Variants in STAT1 observed in about 807,000 individuals in gnomAD.
STAT1 encodes the protein signal transducer and activator of transcription 1-alpha/beta.
In STAT1, 24 loss-of-function variants were observed where a neutral mutation model predicts 111.7. The ratio of observed to expected loss-of-function variants is 0.21; its 90% CI spans 0.16 to 0.30. The LOEUF is 0.30. Among genes scored for constraint, STAT1 ranks in the 10% least tolerant of loss-of-function variants. The pLI is 1.00. For missense variants in STAT1, 351 were observed against 911.9 expected (o/e 0.38, Z 7.92); for synonymous variants, 332 against 326.5 (o/e 1.02, Z -0.18).
chr2:190,989,675 C>A lies in STAT1; in HGVS notation c.1038-1G>T. On this transcript the variant is annotated splice_acceptor_variant, in intron 11 of 24. Transcript: ENST00000361099. LOFTEE classifies it high-confidence loss of function. The surrounding 1 kb of genome is among the most constrained non-coding windows in gnomAD (Gnocchi z 5.0). Reference sequence around the variant, plus strand: ...CAGCTCTTGCAATTTCACCAACAGTCTGGAAAGAAAAATAAAAGCCATTAC... The same window carrying A: ...CAGCTCTTGCAATTTCACCAACAGTATGGAAAGAAAAATAAAAGCCATTAC... 1 of 1,595,548 alleles carries A rather than the reference C, an allele frequency of 6.3e-7. No individual in the cohort carries two copies. The highest frequency in any genetic ancestry group is 2.2e-5 in the East Asian group (1 of 44,612).
At chr2:190,991,595 A>G (rs1693340462) in intron 10 of STAT1, among the ~76,000 whole-genome samples, 1 of 152,202 alleles carries the variant, frequency 6.6e-6, no homozygotes, top group Admixed American at 6.5e-5. Flanking sequence ...ACAGTGGCCC[A>G]TGTCTGTAAT....
rs1404697280 is a variant in STAT1, at chr2:190,981,277, T to C, written c.1583-608A>G. Among the ~76,000 whole-genome samples, 1 of 152,198 alleles carries C rather than the reference T, an allele frequency of 6.6e-6. No homozygotes were observed. Among genetic ancestry groups the C allele is most frequent in the Non-Finnish European group, 1.5e-5 (1 of 68,030 alleles). On this transcript the variant is annotated intron_variant, in intron 18 of 24. Coordinates refer to ENST00000361099, the MANE Select transcript of STAT1 (RefSeq NM_007315.4). This position sits in a 1 kb window ranked among gnomAD's most constrained non-coding sequence, Gnocchi z 4.1. ...CCCAAGATCACCCCTAGATCTTCAA[T>C]GTAACTGATACTTGACTTTACAAGT...
intron 4 of STAT1, among the ~76,000 whole-genome samples, chr2:191,008,541 A>T (rs998081284): frequency 6.6e-6 from 1 of 152,142 alleles, no homozygotes; most frequent in Admixed American, 6.6e-5. Context: ...GTGAAAGTCA[A>T]ACCTTTCCTG....
chr2:191,007,772 C>T lies in STAT1; in HGVS notation c.274-111G>A, dbSNP rs1278304132. 7 of 789,262 alleles carry T rather than the reference C, an allele frequency of 8.9e-6. No homozygotes were observed. The highest frequency in any genetic ancestry group is 7.7e-5 in the East Asian group (3 of 38,994). The allele number at this position is 789,262 out of a possible 1,614,324, so 48.9% of individuals were successfully genotyped here. ...ATATTCTCCGGGAAACCTCATCTCTCATCTATTAAATTCTATATAAGCTAT... is the reference window on the plus strand; with the variant it reads ...ATATTCTCCGGGAAACCTCATCTCTTATCTATTAAATTCTATATAAGCTAT... On this transcript the variant is annotated intron_variant, in intron 4 of 24. Coordinates refer to ENST00000361099, the MANE Select transcript of STAT1 (RefSeq NM_007315.4). The surrounding 1 kb of genome is among the most constrained non-coding windows in gnomAD (Gnocchi z 4.2).
At position 190,998,694 on chromosome 2, in the gene STAT1, A is replaced by T. The variant is rs1322608526; in HGVS notation, c.542-386T>A. Among the ~76,000 whole-genome samples the T allele has an allele frequency of 6.6e-6, 1 of 151,036 alleles. No individual in the cohort carries two copies. The highest frequency in any genetic ancestry group is 2.4e-5 in the African/African-American group (1 of 41,288). On this transcript the variant is annotated intron_variant, in intron 7 of 24. Transcript: ENST00000361099. The surrounding 1 kb of genome is among the most constrained non-coding windows in gnomAD (Gnocchi z 4.1). ...AAACAAAAAAAACAAAAAAAAAACA[A>T]AAAAAACTTGTTTTCAGTGACCCAT...
In STAT1 at chr2:190,999,000, C is replaced by G. The variant is rs1694061514; in HGVS notation, c.541+626G>C. Among the ~76,000 whole-genome samples the G allele has an allele frequency of 6.6e-6, 1 of 152,058 alleles. No individual in the cohort carries two copies. The highest frequency in any genetic ancestry group is 2.4e-5 in the African/African-American group (1 of 41,390). On this transcript the variant is annotated intron_variant, in intron 7 of 24. Transcript: ENST00000361099. This position sits in a 1 kb window ranked among gnomAD's most constrained non-coding sequence, Gnocchi z 4.1. ...TCTGCCTATGAACCATGGTATACCC[C>G]AGATGATGAATAGAGTAACAGCAGT...
In STAT1 at chr2:190,997,991, AT is replaced by A; in HGVS notation, c.649del (p.Ile217Ter). On this transcript the variant is annotated frameshift_variant, in exon 9 of 25. Coordinates refer to ENST00000361099, the MANE Select transcript of STAT1 (RefSeq NM_007315.4). LOFTEE classifies it high-confidence loss of function. The surrounding 1 kb of genome is among the most constrained non-coding windows in gnomAD (Gnocchi z 7.3). ...TTCAGTGACATTCAGCAACTCTATT[AT>A]TTTGTGAACTACTTCCTAAAGGCAA... ...DNKRKEVVHK[I>X]IELLNVTELT... The A allele has an allele frequency of 6.2e-7, 1 of 1,614,238 alleles. No homozygotes were observed. The highest frequency in any genetic ancestry group is 8.5e-7 in the Non-Finnish European group (1 of 1,180,044).
intron 10 of STAT1, 136 bp downstream of exon 10, chr2:190,994,925 A>ATATATATATATAT (rs1553496728): frequency 1.0e-5 from 1 of 99,544 alleles, no homozygotes; most frequent in African/African-American, 6.3e-5. Flanking sequence ...AAAAAAAAAA[A>ATATATATATATAT]AAATATATAT....
chr2:190,982,922 T>C lies in STAT1; in HGVS notation c.1447-404A>G, dbSNP rs1692498646. ...TGAAGCCTATTTAGCGCCATGTTTT[T>C]TGCATTTTGTGACTGCTGTTGGTGA... On this transcript the variant is annotated intron_variant, in intron 17 of 24. Transcript: ENST00000361099. This position sits in a 1 kb window ranked among gnomAD's most constrained non-coding sequence, Gnocchi z 7.3. 6.6e-6 allele frequency among the ~76,000 whole-genome samples: 1 copy of C among 152,168 alleles called. No individual in the cohort carries two copies. The highest frequency in any genetic ancestry group is 1.5e-5 in the Non-Finnish European group (1 of 68,030).
At position 190,989,016 on chromosome 2, in the gene STAT1, A is replaced by G. The variant is rs1693099704; in HGVS notation, c.1097+599T>C. On this transcript the variant is annotated intron_variant, in intron 12 of 24. Coordinates refer to ENST00000361099, the MANE Select transcript of STAT1 (RefSeq NM_007315.4). This position sits in a 1 kb window ranked among gnomAD's most constrained non-coding sequence, Gnocchi z 5.0. ...ATGAGGCTGCTCCACCTGGACCCCC[A>G]AGAGAGATGCCCATTCCTGGGTTCC... Among the ~76,000 whole-genome samples, 1 of 152,034 alleles carries G rather than the reference A, an allele frequency of 6.6e-6. No homozygotes were observed. Among genetic ancestry groups the G allele is most frequent in the Non-Finnish European group, 1.5e-5 (1 of 67,994 alleles).
At chr2:191,010,349 C>T (rs1381683585) in intron 2 of STAT1, 3 of 473,872 alleles carry the variant, frequency 6.3e-6, no homozygotes, top group Admixed American at 2.3e-5. Flanking sequence ...ATAGTACTTA[C>T]ACCACCATCT....
rs1170252435 is a variant in STAT1, at chr2:191,012,763, AAC to A, written c.-2+760_-2+761del. On this transcript the variant is annotated intron_variant, in intron 2 of 24. Coordinates refer to ENST00000361099, the MANE Select transcript of STAT1 (RefSeq NM_007315.4). This position sits in a 1 kb window ranked among gnomAD's most constrained non-coding sequence, Gnocchi z 4.0. Reference sequence around the variant, plus strand: ...GTCACCAAATCATTTACTGTTTTTCAACTGTGCCCAACATTTCTGCTTTGCTC... The same window carrying A: ...GTCACCAAATCATTTACTGTTTTTCATGTGCCCAACATTTCTGCTTTGCTC... 6.6e-6 allele frequency among the ~76,000 whole-genome samples: 1 copy of A among 152,196 alleles called. No homozygotes were observed. Among genetic ancestry groups the A allele is most frequent in the African/African-American group, 2.4e-5 (1 of 41,434 alleles).
Position 191,004,281 on chromosome 2 carries a change from C to T in STAT1, c.373-3118G>A, listed in dbSNP as rs1260695439. On this transcript the variant is annotated intron_variant, in intron 5 of 24. Coordinates refer to ENST00000361099, the MANE Select transcript of STAT1 (RefSeq NM_007315.4). The surrounding 1 kb of genome is among the most constrained non-coding windows in gnomAD (Gnocchi z 5.0). ...AGGAGTACTGAAACCACGGGAATTT[C>T]AAACACTGAAGTTGGAAGGGACTTC... Among the ~76,000 whole-genome samples the T allele has an allele frequency of 6.6e-6, 1 of 152,206 alleles. No individual in the cohort carries two copies. The highest frequency in any genetic ancestry group is 2.4e-5 in the African/African-American group (1 of 41,448).
Position 190,981,401 on chromosome 2 carries a change from G to A in STAT1, c.1583-732C>T, listed in dbSNP as rs1381683156. 6.6e-6 allele frequency among the ~76,000 whole-genome samples: 1 copy of A among 152,228 alleles called. No homozygotes were observed. Among genetic ancestry groups the A allele is most frequent in the Non-Finnish European group, 1.5e-5 (1 of 68,040 alleles). On this transcript the variant is annotated intron_variant, in intron 18 of 24. Coordinates refer to ENST00000361099, the MANE Select transcript of STAT1 (RefSeq NM_007315.4). The surrounding 1 kb of genome is among the most constrained non-coding windows in gnomAD (Gnocchi z 4.1). ...AAATCAAAAACCAAGTGAGAGAAAC[G>A]AGAGGAAGAAGCCCGGGGTTATTAG...
intron 15 of STAT1, among the ~76,000 whole-genome samples, 160 bp downstream of exon 15, chr2:190,985,459 T>C (rs1361079142): frequency 6.6e-6 from 1 of 152,246 alleles, no homozygotes; most frequent in Non-Finnish European, 1.5e-5. Context: ...ATGTGGTGTT[T>C]TTACTGTTGT....
chr2:191,001,947 C>A (rs1169526777), intron 5 of STAT1, among the ~76,000 whole-genome samples: 7 of 152,172 alleles, frequency 4.6e-5, no homozygotes, highest in Non-Finnish European at 1.0e-4. Context: ...GTTAAATCCC[C>A]CACACAGCAA....
At position 190,971,312 on chromosome 2, in the gene STAT1, C is replaced by T. The variant is rs888507049; in HGVS notation, c.2239-595G>A. Among the ~76,000 whole-genome samples, 26 of 152,216 alleles carry T rather than the reference C, an allele frequency of 1.7e-4. No individual in the cohort carries two copies. The highest frequency in any genetic ancestry group is 1.4e-3 in the Admixed American group (21 of 15,286). ...CTGTCTGACTTCCACACTGGTCTTT[C>T]CCCTTAGACCAGATGCTTTCAATCG... On this transcript the variant is annotated intron_variant, in intron 24 of 24. Coordinates refer to ENST00000361099, the MANE Select transcript of STAT1 (RefSeq NM_007315.4). The surrounding 1 kb of genome is among the most constrained non-coding windows in gnomAD (Gnocchi z 4.1).
chr2:190,987,050 ATT>A lies in STAT1; in HGVS notation c.1114_1115del (p.Asn372TyrfsTer6). 1 of 1,609,456 alleles carries A rather than the reference ATT, an allele frequency of 6.2e-7. No homozygotes were observed. Among genetic ancestry groups the A allele is most frequent in the Non-Finnish European group, 8.5e-7 (1 of 1,176,502 alleles). The part of the protein sequence containing the change: ...VLFDKDVNER[N>X]TVKGFRKFNI... ...AGTACGTCACGTACCCTTTTACTGT[ATT>A]TCTCTCATTCACATCTCTGCAAAAA... is the stretch of plus-strand genomic sequence containing the variant. On this transcript the variant is annotated frameshift_variant, in exon 13 of 25. Transcript: ENST00000361099. LOFTEE classifies it high-confidence loss of function. The surrounding 1 kb of genome is among the most constrained non-coding windows in gnomAD (Gnocchi z 4.0).
At position 190,977,370 on chromosome 2, in the gene STAT1, T is replaced by C. The variant is rs1473824934; in HGVS notation, c.1874-345A>G. ...AAATAACTTACTACTAAGTGGATCA[T>C]CTTGGCTTAAGCCACAGATTTAAAT... On this transcript the variant is annotated intron_variant, in intron 21 of 24. Coordinates refer to ENST00000361099, the MANE Select transcript of STAT1 (RefSeq NM_007315.4). The surrounding 1 kb of genome is among the most constrained non-coding windows in gnomAD (Gnocchi z 4.7). 6.6e-6 allele frequency among the ~76,000 whole-genome samples: 1 copy of C among 152,242 alleles called. No homozygotes were observed. Among genetic ancestry groups the C allele is most frequent in the African/African-American group, 2.4e-5 (1 of 41,464 alleles).
Sources: allele counts gnomAD v4.1 joint callset (sites outside exome capture counted in the v4.1 genomes callset), GRCh38; gene constraint gnomAD v4.1.1; non-coding constraint Gnocchi (gnomAD v3.1); transcripts MANE v1.5; gene names NCBI Gene and HGNC (gene_info 2026-07-23, HGNC 2026-07-21).